Variants in KIRREL3 observed in about 807,000 individuals in gnomAD.
KIRREL3 encodes kin of IRRE-like protein 3.
Under a neutral mutation model 89.7 loss-of-function variants are expected in KIRREL3, and 36 were observed. The ratio of observed to expected loss-of-function variants is 0.40; its 90% CI spans 0.31 to 0.53. The LOEUF (loss-of-function observed/expected upper bound fraction) is 0.53, where lower values mean the gene tolerates loss of function less well. Among genes scored for constraint, KIRREL3 ranks in the 20% least tolerant of loss-of-function variants. KIRREL3 has a pLI of 0.49. For synonymous variants in KIRREL3, 445 were observed against 441.4 expected (o/e 1.01, Z -0.10); for missense variants, 864 against 1,056.6 (o/e 0.82, Z 2.53).
Position 126,640,836 on chromosome 11 carries a change from TC to T in KIRREL3, c.56-77925del, listed in dbSNP as rs1944439918. 6.6e-6 allele frequency among the ~76,000 whole-genome samples: 1 copy of T among 152,148 alleles called. No individual in the cohort carries two copies. The highest frequency in any genetic ancestry group is 2.1e-4 in the South Asian group (1 of 4,816). ...CTACGTCACTGACTTATTGCTGGCA[TC>T]TCCTCCCCTTGACCTTCATATTGGA... On this transcript the variant is annotated intron_variant, in intron 1 of 16. Coordinates refer to ENST00000525144, the MANE Select transcript of KIRREL3 (RefSeq NM_032531.4). This position sits in a 1 kb window ranked among gnomAD's most constrained non-coding sequence, Gnocchi z 4.9.
In KIRREL3 at chr11:126,766,039, T is replaced by C. The variant is rs765387744; in HGVS notation, c.56-203127A>G. ...TCTTAGCTGAGCAAATTCACCTCCT[T>C]GCTTTGCCGTTTACTTCCAAATTCC... On this transcript the variant is annotated intron_variant, in intron 1 of 16. Transcript: ENST00000525144. The surrounding 1 kb of genome is among the most constrained non-coding windows in gnomAD (Gnocchi z 4.2). Among the ~76,000 whole-genome samples the C allele has an allele frequency of 6.6e-6, 1 of 152,030 alleles. No homozygotes were observed. Among genetic ancestry groups the C allele is most frequent in the Non-Finnish European group, 1.5e-5 (1 of 68,000 alleles).
chr11:126,442,091 T>C (rs1010247767), intron 10 of KIRREL3, among the ~76,000 whole-genome samples: 1 of 151,278 alleles, frequency 6.6e-6, no homozygotes, highest in Non-Finnish European at 1.5e-5. Flanking sequence ...GCCAATATGG[T>C]GAAACCCCGT....
At chr11:126,816,722 T>C (rs955614489) in intron 1 of KIRREL3, among the ~76,000 whole-genome samples, 4 of 152,204 alleles carry the variant, frequency 2.6e-5, no homozygotes, top group Admixed American at 1.3e-4. Flanking sequence ...AGTGGCTACA[T>C]GAAAGCAAAA....
At chr11:126,741,473 A>G (rs1389732221) in intron 1 of KIRREL3, among the ~76,000 whole-genome samples, 1 of 152,132 alleles carries the variant, frequency 6.6e-6, no homozygotes, top group Non-Finnish European at 1.5e-5. Flanking sequence ...TCCCATGCCC[A>G]TGTGTTGAGG....
In KIRREL3 at chr11:126,715,472, C is replaced by T. The variant is rs1947920057; in HGVS notation, c.56-152560G>A. 6.6e-6 allele frequency among the ~76,000 whole-genome samples: 1 copy of T among 152,148 alleles called. No individual in the cohort carries two copies. The highest frequency in any genetic ancestry group is 1.5e-5 in the Non-Finnish European group (1 of 68,032). On this transcript the variant is annotated intron_variant, in intron 1 of 16. Transcript: ENST00000525144. The surrounding 1 kb of genome is among the most constrained non-coding windows in gnomAD (Gnocchi z 4.4). Reference sequence around the variant, plus strand: ...ACAGCTCAAGACCACATGGGCTCATCACTGTGATCTTAAGGAAAGAAATGA... The same window carrying T: ...ACAGCTCAAGACCACATGGGCTCATTACTGTGATCTTAAGGAAAGAAATGA...
rs1366612139 is a variant in KIRREL3 at position 126,917,426 on chromosome 11, AT to A, written c.55+83028del. On this transcript the variant is annotated intron_variant, in intron 1 of 16. Coordinates refer to ENST00000525144, the MANE Select transcript of KIRREL3 (RefSeq NM_032531.4). The surrounding 1 kb of genome is among the most constrained non-coding windows in gnomAD (Gnocchi z 5.0). ...AATATAGTTAATGCCACTAAACCGTATACTTAAAAGTGGTTAAAATGTCAAA... is the reference window on the plus strand; with the variant it reads ...AATATAGTTAATGCCACTAAACCGTAACTTAAAAGTGGTTAAAATGTCAAA... 5.3e-5 allele frequency among the ~76,000 whole-genome samples: 8 copies of A among 152,230 alleles called. No individual in the cohort carries two copies. The highest frequency in any genetic ancestry group is 1.9e-4 in the East Asian group (1 of 5,200).
chr11:126,587,482 C>T lies in KIRREL3; in HGVS notation c.56-24570G>A, dbSNP rs568093628. On this transcript the variant is annotated intron_variant, in intron 1 of 16. Coordinates refer to ENST00000525144, the MANE Select transcript of KIRREL3 (RefSeq NM_032531.4). This position sits in a 1 kb window ranked among gnomAD's most constrained non-coding sequence, Gnocchi z 5.2. The stretch of plus-strand genomic sequence containing the variant: ...AGCCATCACATTCCCAAACCCACAG[C>T]GCTTCCCTCTCACCAACCCTGTAGC... Among the ~76,000 whole-genome samples, 7 of 152,274 alleles carry T rather than the reference C, an allele frequency of 4.6e-5. No individual in the cohort carries two copies. The highest frequency in any genetic ancestry group is 1.4e-4 in the African/African-American group (6 of 41,556).
At chr11:126,937,716 A>G (rs141320009) in intron 1 of KIRREL3, among the ~76,000 whole-genome samples, 4,171 of 151,822 alleles carry the variant, frequency 0.027, 73 homozygotes, top group Admixed American at 0.052. Flanking sequence ...TGGCTAACAC[A>G]GTGAAACCCC....
intron 1 of KIRREL3, among the ~76,000 whole-genome samples, chr11:126,619,844 A>G (rs1591826437): frequency 6.6e-6 from 1 of 152,178 alleles, no homozygotes. Flanking sequence ...AATGGCTCAT[A>G]CCCACCAGTC....
In KIRREL3 at chr11:126,685,416, G is replaced by A. The variant is rs943656604; in HGVS notation, c.56-122504C>T. Reference sequence around the variant, plus strand: ...GGGTAGCTGCCTTACCAGAGAGAGCGGGATTTCTCAGACACTGCTAACTTC... The same window carrying A: ...GGGTAGCTGCCTTACCAGAGAGAGCAGGATTTCTCAGACACTGCTAACTTC... On this transcript the variant is annotated intron_variant, in intron 1 of 16. Transcript: ENST00000525144. The surrounding 1 kb of genome is among the most constrained non-coding windows in gnomAD (Gnocchi z 5.5). Among the ~76,000 whole-genome samples the A allele has an allele frequency of 2.0e-5, 3 of 152,120 alleles. No individual in the cohort carries two copies. Among genetic ancestry groups the A allele is most frequent in the South Asian group, 2.1e-4 (1 of 4,826 alleles).
rs531842626 is a variant in KIRREL3 at position 126,498,800 on chromosome 11, C to A, written c.433+22515G>T. ...AGTCCCCCTCCCACAGGAGCACCTG[C>A]GTGGGCCCTCAGTAAATGCCAGTTC... On this transcript the variant is annotated intron_variant, in intron 4 of 16. Transcript: ENST00000525144. This position sits in a 1 kb window ranked among gnomAD's most constrained non-coding sequence, Gnocchi z 4.3. Among the ~76,000 whole-genome samples the A allele has an allele frequency of 6.6e-6, 1 of 152,198 alleles. No individual in the cohort carries two copies. Among genetic ancestry groups the A allele is most frequent in the African/African-American group, 2.4e-5 (1 of 41,456 alleles).
At chr11:126,573,552 C>T (rs1298978276) in intron 1 of KIRREL3, among the ~76,000 whole-genome samples, 1 of 152,020 alleles carries the variant, frequency 6.6e-6, no homozygotes, top group Non-Finnish European at 1.5e-5. Flanking sequence ...CCCCGCTGTC[C>T]TCCCATTACT....
rs1948692802 is a variant in KIRREL3, at chr11:126,948,761, T to C, written c.55+51694A>G. 6.6e-6 allele frequency among the ~76,000 whole-genome samples: 1 copy of C among 152,178 alleles called. No homozygotes were observed. The highest frequency in any genetic ancestry group is 2.4e-5 in the African/African-American group (1 of 41,442). Reference sequence around the variant, plus strand: ...AGGGTAAACAAAGTGGTACAATGGTTAGTTCAACTCCAGCAAGGCAGACAG... The same window carrying C: ...AGGGTAAACAAAGTGGTACAATGGTCAGTTCAACTCCAGCAAGGCAGACAG... On this transcript the variant is annotated intron_variant, in intron 1 of 16. Coordinates refer to ENST00000525144, the MANE Select transcript of KIRREL3 (RefSeq NM_032531.4). This position sits in a 1 kb window ranked among gnomAD's most constrained non-coding sequence, Gnocchi z 4.5.
rs528624272 is a variant in KIRREL3, at chr11:126,591,365, C to CAT, written c.56-28455_56-28454dup. 7.9e-5 allele frequency among the ~76,000 whole-genome samples: 12 copies of CAT among 152,374 alleles called. No individual in the cohort carries two copies. The South Asian group carries it at 2.5e-3, about 32-fold the overall frequency. ...CCAAGAGAATCCCTTAACCTAAAGG[C>CAT]ATACATCCCTTAGGGTGAAATCCTG... On this transcript the variant is annotated intron_variant, in intron 1 of 16. Coordinates refer to ENST00000525144, the MANE Select transcript of KIRREL3 (RefSeq NM_032531.4).
chr11:126,595,171 C>T (rs1268162023), intron 1 of KIRREL3, among the ~76,000 whole-genome samples: 1 of 152,266 alleles, frequency 6.6e-6, no homozygotes, highest in East Asian at 1.9e-4. Flanking sequence ...GGCTCTTAAC[C>T]CACTTGTGGA....
chr11:126,942,552 C>T (rs1948486467), intron 1 of KIRREL3, among the ~76,000 whole-genome samples: 1 of 152,172 alleles, frequency 6.6e-6, no homozygotes, highest in Admixed American at 6.5e-5. Context: ...CCTGGCTCTT[C>T]CAGCTGGAGG....
intron 1 of KIRREL3, among the ~76,000 whole-genome samples, chr11:126,662,909 T>TC (rs1363622719): frequency 6.9e-6 from 1 of 145,172 alleles, no homozygotes; most frequent in Non-Finnish European, 1.5e-5. Context: ...GTCCTTTCTT[T>TC]TTTTTTTTTT....
Position 126,473,347 on chromosome 11 carries a change from G to A in KIRREL3, c.553C>T (p.Arg185Ter). ...GCCCCATTGATGACCTCTCCCTTTCGCAACCAGATGATGGAGGCTGCAGGC... is the reference window on the plus strand; with the variant it reads ...GCCCCATTGATGACCTCTCCCTTTCACAACCAGATGATGGAGGCTGCAGGC... ...AKPAASIIWL[R>*]KGEVINGATY... is the part of the protein sequence containing the mutation. The change falls in exon 5 of 17, where the codon CGA (arginine) becomes TGA (stop). Residue 185 changes from arginine (R) to a stop codon, truncating the protein, a stop_gained. Coordinates refer to ENST00000525144, the MANE Select transcript of KIRREL3 (RefSeq NM_032531.4). LOFTEE classifies it high-confidence loss of function. The A allele has an allele frequency of 6.6e-7, 1 of 1,514,426 alleles. No homozygotes were observed. Among genetic ancestry groups the A allele is most frequent in the Non-Finnish European group, 8.8e-7 (1 of 1,134,438 alleles). 93.8% of individuals were successfully genotyped at this position (1,514,426 alleles called of 1,614,324 possible).
rs1946215022 is a variant in KIRREL3 at position 126,676,863 on chromosome 11, C to T, written c.56-113951G>A. 6.6e-6 allele frequency among the ~76,000 whole-genome samples: 1 copy of T among 152,012 alleles called. No homozygotes were observed. The highest frequency in any genetic ancestry group is 1.9e-4 in the East Asian group (1 of 5,186). On this transcript the variant is annotated intron_variant, in intron 1 of 16. Coordinates refer to ENST00000525144, the MANE Select transcript of KIRREL3 (RefSeq NM_032531.4). The surrounding 1 kb of genome is among the most constrained non-coding windows in gnomAD (Gnocchi z 4.5). Reference sequence around the variant, plus strand: ...ACAGTGGCTCAACCACAGGTCACCGCAGCCTCGATCTCCCAGGCTCAAGCG... The same window carrying T: ...ACAGTGGCTCAACCACAGGTCACCGTAGCCTCGATCTCCCAGGCTCAAGCG...
Sources: allele counts gnomAD v4.1 joint callset (sites outside exome capture counted in the v4.1 genomes callset), GRCh38; gene constraint gnomAD v4.1.1; non-coding constraint Gnocchi (gnomAD v3.1); transcripts MANE v1.5; gene names NCBI Gene and HGNC (gene_info 2026-07-23, HGNC 2026-07-21).